OPRM1: variants seen among roughly 807,000 people sequenced by gnomAD.
OPRM1 encodes opioid receptor mu 1.
OPRM1 carries 27 observed loss-of-function variants against 31.8 expected under a neutral mutation model. The observed-to-expected ratio is 0.85, with a 90% CI of 0.63 to 1.17. OPRM1 has a LOEUF of 1.17. OPRM1 is among the 50% of genes most tolerant of loss of function. The probability of loss-of-function intolerance (pLI) is 0.00; values close to 1 mark genes in which losing one functional copy is unlikely to be tolerated. For synonymous variants in OPRM1, 196 were observed against 189.9 expected (o/e 1.03, Z -0.26); for missense variants, 536 against 511.1 (o/e 1.05, Z -0.47).
chr6:154,067,364 C>T (rs1010850671), intron 1 of OPRM1, among the ~76,000 whole-genome samples: 1 of 151,810 alleles, frequency 6.6e-6, no homozygotes, highest in Non-Finnish European at 1.5e-5. Context: ...TCATTTATCT[C>T]TAAGTATTTT....
intron 3 of OPRM1, among the ~76,000 whole-genome samples, chr6:154,222,772 T>C (rs1778966809): frequency 6.6e-6 from 1 of 152,220 alleles, no homozygotes; most frequent in Non-Finnish European, 1.5e-5. Flanking sequence ...GACAACTCCA[T>C]GAACTAAGAA....
In OPRM1 at chr6:154,165,646, G is replaced by A. The variant is rs551185768; in HGVS notation, c.1164+74174G>A. Among the ~76,000 whole-genome samples the A allele has an allele frequency of 3.9e-5, 6 of 152,292 alleles. No homozygotes were observed. The East Asian group carries it at 7.7e-4, about 20-fold the overall frequency. On this transcript the variant is annotated intron_variant, in intron 3 of 3. Coordinates refer to the OPRM1 transcript ENST00000337049. ...CTGGGTGGGGCAGGCAGCCCTGAGC[G>A]GGCCCCCAATCTTCTCTGCTTCCTG...
intron 1 of OPRM1, among the ~76,000 whole-genome samples, chr6:154,056,519 T>C (rs934220647): frequency 4.6e-5 from 7 of 151,832 alleles, no homozygotes; most frequent in South Asian, 2.1e-4. Context: ...TGCAATGCGA[T>C]GTCTGTCAAC....
chr6:154,179,385 A>G (rs963047899), intron 3 of OPRM1, among the ~76,000 whole-genome samples: 3 of 152,184 alleles, frequency 2.0e-5, no homozygotes, highest in Admixed American at 1.3e-4. Flanking sequence ...ATAGTAGAAA[A>G]CACTACATTA....
intron 3 of OPRM1, among the ~76,000 whole-genome samples, chr6:154,174,100 T>C (rs1164515609): frequency 6.6e-6 from 1 of 152,042 alleles, no homozygotes; most frequent in Non-Finnish European, 1.5e-5. Flanking sequence ...AGAAATAAAG[T>C]CCTTTACAGA....
intron 1 of OPRM1, among the ~76,000 whole-genome samples, chr6:154,056,937 G>C (rs1783427044): frequency 6.6e-6 from 1 of 152,166 alleles, no homozygotes; most frequent in East Asian, 1.9e-4. Flanking sequence ...GCATGTTAAA[G>C]ATCCAAGGCC....
intron 3 of OPRM1, among the ~76,000 whole-genome samples, chr6:154,245,869 A>C (rs907038210): frequency 1.3e-5 from 2 of 152,252 alleles, no homozygotes; most frequent in Admixed American, 6.5e-5. Flanking sequence ...AAAGATCAGC[A>C]CACTTTCTAA....
At chr6:154,150,635 C>T (rs994264318) in intron 3 of OPRM1, among the ~76,000 whole-genome samples, 5 of 152,206 alleles carry the variant, frequency 3.3e-5, no homozygotes, top group African/African-American at 7.2e-5. Flanking sequence ...CAGGCTCAGA[C>T]GTTTCAAGTG....
chr6:154,149,635 TAGAGAG>T (rs57957225), intron 3 of OPRM1, among the ~76,000 whole-genome samples: 7 of 148,144 alleles, frequency 4.7e-5, no homozygotes, highest in South Asian at 2.1e-4. Flanking sequence ...CGTGTGTGTG[TAGAGAG>T]AGAGAGAGAG....
chr6:154,028,584 C>T (rs1196144332), intron 1 of OPRM1, among the ~76,000 whole-genome samples: 1 of 152,198 alleles, frequency 6.6e-6, no homozygotes, highest in Non-Finnish European at 1.5e-5. Context: ...TTTAAGGCCC[C>T]AGCGCCCTTT....
intron 3 of OPRM1, among the ~76,000 whole-genome samples, chr6:154,184,316 T>A (rs942032307): frequency 1.1e-4 from 17 of 152,114 alleles, no homozygotes; most frequent in African/African-American, 4.1e-4. Context: ...ATCACCTACA[T>A]TTCCATCTTT....
intron 3 of OPRM1, among the ~76,000 whole-genome samples, chr6:154,206,684 C>T (rs1777520689): frequency 1.3e-5 from 2 of 152,170 alleles, no homozygotes; most frequent in South Asian, 4.1e-4. Context: ...ACCTAGAGGA[C>T]TAGAGATGTT....
chr6:154,213,667 C>G (rs575238450), intron 3 of OPRM1, among the ~76,000 whole-genome samples: 13 of 152,234 alleles, frequency 8.5e-5, no homozygotes, highest in African/African-American at 2.6e-4. Context: ...CAGCTAAATC[C>G]TCCCTCTTCT....
intron 3 of OPRM1, among the ~76,000 whole-genome samples, chr6:154,104,379 A>T (rs1795289956): frequency 6.6e-6 from 1 of 152,258 alleles, no homozygotes. Context: ...CAAGTAAACT[A>T]AATTAGAATG....
intron 3 of OPRM1, among the ~76,000 whole-genome samples, chr6:154,118,408 A>C (rs1014448305): frequency 6.6e-6 from 1 of 151,982 alleles, no homozygotes; most frequent in Non-Finnish European, 1.5e-5. Context: ...GTATTTTTTC[A>C]AGGAAATTAT....
intron 3 of OPRM1, among the ~76,000 whole-genome samples, chr6:154,207,890 T>C (rs1037819147): frequency 6.6e-6 from 1 of 152,256 alleles, no homozygotes; most frequent in Admixed American, 6.5e-5. Flanking sequence ...GTTTGTCTCA[T>C]ATTTGATCTG....
chr6:154,163,265 T>C (rs1799167401), intron 3 of OPRM1, among the ~76,000 whole-genome samples: 1 of 152,196 alleles, frequency 6.6e-6, no homozygotes, highest in Admixed American at 6.5e-5. Flanking sequence ...CTTGACCTCC[T>C]TGCTCTTCCT....
intron 1 of OPRM1, among the ~76,000 whole-genome samples, chr6:154,029,529 A>C (rs1335033548): frequency 1.3e-5 from 2 of 152,254 alleles, no homozygotes; most frequent in East Asian, 3.8e-4. Context: ...ATTTCAAAAA[A>C]ACCAATTCTA....
chr6:154,205,918 C>T (rs945668362), intron 3 of OPRM1, among the ~76,000 whole-genome samples: 1 of 152,034 alleles, frequency 6.6e-6, no homozygotes, highest in Non-Finnish European at 1.5e-5. Context: ...CGGAAACTCA[C>T]CCAGATCCCC....
Sources: allele counts gnomAD v4.1 joint callset (sites outside exome capture counted in the v4.1 genomes callset), GRCh38; gene constraint gnomAD v4.1.1; transcripts MANE v1.5; gene names NCBI Gene and HGNC (gene_info 2026-07-23, HGNC 2026-07-21).